Variants in CSMD1 observed in about 807,000 individuals in gnomAD.
CSMD1 encodes the protein CUB and sushi domain-containing protein 1.
A neutral mutation model predicts 417.5 loss-of-function variants in CSMD1; 213 were observed. That is an observed-to-expected ratio of 0.51 (90% CI 0.46 to 0.57). The LOEUF (loss-of-function observed/expected upper bound fraction) is 0.57. Among genes scored for constraint, CSMD1 ranks in the 20% least tolerant of loss-of-function variants. The pLI is 0.00. For synonymous variants in CSMD1, 2,862 were observed against 1,736.8 expected (o/e 1.65, Z -16.11); for missense variants, 6,923 against 4,529.7 (o/e 1.53, Z -15.17).
chr8:3,182,611 TGTGTG>T (rs1821417450), intron 36 of CSMD1, among the ~76,000 whole-genome samples: 1 of 63,890 alleles, frequency 1.6e-5, no homozygotes, highest in Non-Finnish European at 5.1e-5. Context: ...TGTGTGTGTG[TGTGTG>T]TGTGTGTGTG....
At chr8:4,835,657 G>C (rs1432810368) in intron 1 of CSMD1, among the ~76,000 whole-genome samples, 3 of 152,146 alleles carry the variant, frequency 2.0e-5, no homozygotes, top group African/African-American at 7.2e-5. Flanking sequence ...ACATCGGTGA[G>C]TTTGCATGTA....
At chr8:3,331,824 A>G (rs537462351) in intron 23 of CSMD1, among the ~76,000 whole-genome samples, 1 of 152,322 alleles carries the variant, frequency 6.6e-6, no homozygotes, top group South Asian at 2.1e-4. Context: ...CTATTTCTTT[A>G]TGTGTAAACT....
chr8:3,155,358 G>GGTTTTTTTTTTTTTTTTTTTTTT (rs763097673), intron 39 of CSMD1, among the ~76,000 whole-genome samples: 1 of 48,092 alleles, frequency 2.1e-5, no homozygotes, highest in Admixed American at 3.5e-4. Context: ...TCAAGGCTGG[G>GGTTTTTTTTTTTTTTTTTTTTTT]ATTTTTTTTT....
At chr8:4,568,524 T>C (rs1199161435) in intron 2 of CSMD1, among the ~76,000 whole-genome samples, 2 of 152,212 alleles carry the variant, frequency 1.3e-5, no homozygotes, top group African/African-American at 2.4e-5. Context: ...CTATCATTGA[T>C]GGGCATTTGG....
intron 2 of CSMD1, among the ~76,000 whole-genome samples, chr8:4,427,672 A>G (rs1797641585): frequency 6.6e-6 from 1 of 152,168 alleles, no homozygotes; most frequent in Admixed American, 6.5e-5. Flanking sequence ...GCCTCAGAAA[A>G]TAGTACCTAT....
At chr8:4,508,389 A>G (rs1310168773) in intron 2 of CSMD1, among the ~76,000 whole-genome samples, 1 of 152,210 alleles carries the variant, frequency 6.6e-6, no homozygotes, top group Non-Finnish European at 1.5e-5. Context: ...TAATTTTGAT[A>G]TTGAATTTTA....
At chr8:4,915,539 C>G (rs1806000967) in intron 1 of CSMD1, among the ~76,000 whole-genome samples, 2 of 152,270 alleles carry the variant, frequency 1.3e-5, no homozygotes, top group East Asian at 1.9e-4. Flanking sequence ...GAGCACGGCT[C>G]TGAGGTGTCA....
At chr8:4,536,828 T>G (rs1203375263) in intron 2 of CSMD1, among the ~76,000 whole-genome samples, 1 of 152,226 alleles carries the variant, frequency 6.6e-6, no homozygotes, top group African/African-American at 2.4e-5. Context: ...CCAAATTTCC[T>G]TTCACAAGGG....
chr8:4,497,345 T>C (rs761071598), intron 2 of CSMD1, among the ~76,000 whole-genome samples: 6 of 152,236 alleles, frequency 3.9e-5, no homozygotes, highest in Non-Finnish European at 7.3e-5. Flanking sequence ...TCTATTTATA[T>C]AGCCACTGGC....
chr8:3,256,309 G>GAAAAAAA (rs61572877), intron 26 of CSMD1, among the ~76,000 whole-genome samples: 4 of 81,420 alleles, frequency 4.9e-5, no homozygotes, highest in Admixed American at 1.2e-4. Context: ...TAAGTCTCAA[G>GAAAAAAA]AAAAAAAAAA....
At chr8:3,650,587 AG>A (rs897522903) in intron 7 of CSMD1, among the ~76,000 whole-genome samples, 6 of 152,268 alleles carry the variant, frequency 3.9e-5, no homozygotes, top group African/African-American at 1.4e-4. Context: ...AGTTATTCTG[AG>A]TACATATGAT....
intron 3 of CSMD1, among the ~76,000 whole-genome samples, chr8:4,205,957 T>C (rs949029757): frequency 3.9e-5 from 6 of 152,160 alleles, no homozygotes; most frequent in African/African-American, 1.4e-4. Context: ...TGCTACCTTC[T>C]TTTTCACACG....
chr8:3,595,097 G>T (rs1273543200), intron 8 of CSMD1, among the ~76,000 whole-genome samples: 1 of 152,140 alleles, frequency 6.6e-6, no homozygotes, highest in Non-Finnish European at 1.5e-5. Context: ...TATCCTCTCC[G>T]ATTGTCCTAT....
At chr8:4,366,917 C>G (rs78303261) in intron 3 of CSMD1, among the ~76,000 whole-genome samples, 6,802 of 151,988 alleles carry the variant, frequency 0.045, 376 homozygotes, top group African/African-American at 0.13. Context: ...GCTGATTTGT[C>G]TAAGTTCCCT....
intron 1 of CSMD1, among the ~76,000 whole-genome samples, chr8:4,866,316 G>T (rs948305273): frequency 5.9e-5 from 9 of 151,772 alleles, no homozygotes; most frequent in African/African-American, 1.2e-4. Context: ...GTGATCTATT[G>T]ACTTCTCCAG....
chr8:3,510,914 C>G (rs1038857808), intron 10 of CSMD1, among the ~76,000 whole-genome samples: 2 of 151,742 alleles, frequency 1.3e-5, no homozygotes, highest in Non-Finnish European at 2.9e-5. Context: ...AGCCCTTCGT[C>G]AGAGATACAT....
At chr8:3,964,212 T>A (rs992384448) in intron 5 of CSMD1, among the ~76,000 whole-genome samples, 4 of 152,222 alleles carry the variant, frequency 2.6e-5, no homozygotes, top group African/African-American at 9.6e-5. Flanking sequence ...AAAGACTGTA[T>A]AAATGAGAGT....
At chr8:2,978,900 C>A (rs1038035275) in intron 54 of CSMD1, 100 bp from the exon 55 acceptor site, 26 of 988,246 alleles carry the variant, frequency 2.6e-5, no homozygotes, top group Non-Finnish European at 3.6e-5. Context: ...TTAGAAAGTT[C>A]AAAAACTGAC....
In CSMD1 at chr8:3,493,685, G is replaced by A. The variant is rs532206888; in HGVS notation, c.1386C>T (p.Gly462=). ...LAFEEFELER[G]YDTLTVGDAG... Reference sequence around the variant, plus strand: ...CATCACCAACCGTCAGGGTGTCATAGCCTCGCTCCAGCTCAAACTCTTCAA... The same window carrying A: ...CATCACCAACCGTCAGGGTGTCATAACCTCGCTCCAGCTCAAACTCTTCAA... The change falls in exon 11 of 70, where the codon GGC becomes GGT. Residue 462 remains glycine (G), a synonymous_variant. Transcript: ENST00000635120. 38 of 1,612,214 alleles carry A rather than the reference G, an allele frequency of 2.4e-5. No individual in the cohort carries two copies. Among genetic ancestry groups the A allele is most frequent in the Non-Finnish European group, 3.1e-5 (36 of 1,179,294 alleles).
Sources: gnomAD v4.1 joint callset for allele counts (sites outside exome capture counted in the v4.1 genomes callset) on GRCh38, gnomAD v4.1.1 for gene constraint, MANE v1.5 for transcripts, NCBI Gene and HGNC (gene_info 2026-07-23, HGNC 2026-07-21) for gene names.